The following RORA variants were observed in gnomAD, a reference collection of about 807,000 sequenced individuals.
The protein encoded by RORA is nuclear receptor ROR-alpha.
Under a neutral mutation model 69.5 loss-of-function variants are expected in RORA, and 7 were observed. The observed-to-expected ratio is 0.10, with a 90% CI of 0.06 to 0.19. The LOEUF is 0.19. RORA is among the 10% of genes least tolerant of loss of function. The pLI is 1.00. For missense variants in RORA, 457 were observed against 663.0 expected (o/e 0.69, Z 3.41); for synonymous variants, 261 against 240.8 (o/e 1.08, Z -0.78).
intron 2 of RORA, among the ~76,000 whole-genome samples, chr15:60,647,653 T>A (rs1387508506): frequency 3.3e-5 from 5 of 152,186 alleles, no homozygotes; most frequent in African/African-American, 1.2e-4. Context: ...ACAAAGGCTG[T>A]CTCTGCACTA....
At chr15:60,694,927 G>C (rs73426261) in intron 1 of RORA, among the ~76,000 whole-genome samples, 2,192 of 152,266 alleles carry the variant, frequency 0.014, 47 homozygotes, top group African/African-American at 0.051. Flanking sequence ...GACAACGTAT[G>C]AACAATTTGA....
chr15:60,738,024 G>C (rs2071525472), intron 1 of RORA, among the ~76,000 whole-genome samples: 1 of 152,194 alleles, frequency 6.6e-6, no homozygotes, highest in Non-Finnish European at 1.5e-5. Flanking sequence ...GCTTTTGGAA[G>C]TGAATGGGAA....
At chr15:61,140,000 T>G (rs773913934) in intron 1 of RORA, among the ~76,000 whole-genome samples, 1 of 152,204 alleles carries the variant, frequency 6.6e-6, no homozygotes, top group African/African-American at 2.4e-5. Flanking sequence ...CATTTGGCAC[T>G]TCCCAGACTT....
intron 1 of RORA, among the ~76,000 whole-genome samples, chr15:60,721,666 T>C (rs949021017): frequency 3.3e-5 from 5 of 152,224 alleles, no homozygotes; most frequent in Admixed American, 1.3e-4. Context: ...GGAAAACTTA[T>C]TTACACCTTC....
rs553796373 is a variant in RORA, at chr15:60,621,227, A to G, written c.196+57430T>C. 2.1e-3 allele frequency among the ~76,000 whole-genome samples: 318 copies of G among 151,878 alleles called. 3 individuals are homozygous for G. Among genetic ancestry groups the G allele is most frequent in the Non-Finnish European group, 4.7e-4 (32 of 67,994 alleles). On this transcript the variant is annotated intron_variant, in intron 2 of 10. Transcript: ENST00000335670. ...ATATATATATATATTTTTTAAGAAA[A>G]TACCTCTTTATCAAGTTCAGCCCAC...
chr15:61,092,009 T>C (rs1304094567), intron 1 of RORA, among the ~76,000 whole-genome samples: 3 of 152,200 alleles, frequency 2.0e-5, no homozygotes, highest in Non-Finnish European at 2.9e-5. Flanking sequence ...AGTCAAACAA[T>C]TGAACAAACC....
At chr15:60,525,088 C>G (rs1432446630) in intron 3 of RORA, among the ~76,000 whole-genome samples, 2 of 151,750 alleles carry the variant, frequency 1.3e-5, no homozygotes, top group African/African-American at 4.9e-5. Context: ...GAACAAACAA[C>G]AAAACAAACA....
chr15:60,846,631 T>G (rs181142943), intron 1 of RORA, among the ~76,000 whole-genome samples: 4 of 152,222 alleles, frequency 2.6e-5, no homozygotes, highest in Non-Finnish European at 4.4e-5. Context: ...CTTTTGTCAC[T>G]ACATATCAAA....
intron 1 of RORA, among the ~76,000 whole-genome samples, chr15:61,040,774 G>C (rs1411871208): frequency 6.6e-6 from 1 of 152,152 alleles, no homozygotes; most frequent in African/African-American, 2.4e-5. Context: ...CATCCATCTG[G>C]AGGCTGAATG....
At chr15:60,852,011 C>G (rs535330241) in intron 1 of RORA, among the ~76,000 whole-genome samples, 1 of 152,078 alleles carries the variant, frequency 6.6e-6, no homozygotes. Context: ...ATTTACTGAG[C>G]GAGCTGGGGA....
In RORA at chr15:60,710,208, G is replaced by T. The variant is rs146707205; in HGVS notation, c.167-31522C>A. On this transcript the variant is annotated intron_variant, in intron 1 of 10. Coordinates refer to ENST00000335670, the MANE Select transcript of RORA (RefSeq NM_134261.3). Reference sequence around the variant, plus strand: ...TTCTCCTTATGTTAAAAATTAGTTGGCCAGGTGCAGTGGCTCACGCTTGTA... The same window carrying T: ...TTCTCCTTATGTTAAAAATTAGTTGTCCAGGTGCAGTGGCTCACGCTTGTA... Among the ~76,000 whole-genome samples the T allele has an allele frequency of 4.0e-3, 613 of 152,294 alleles. 4 individuals carry two copies. The highest frequency in any genetic ancestry group is 0.014 in the African/African-American group (589 of 41,558).
At chr15:61,216,393 T>G (rs1399908638) in intron 1 of RORA, among the ~76,000 whole-genome samples, 1 of 152,190 alleles carries the variant, frequency 6.6e-6, no homozygotes, top group Admixed American at 6.5e-5. Context: ...TGTAAATTAT[T>G]AGATTACATT....
chr15:60,499,029 T>C (rs921629571), intron 10 of RORA, among the ~76,000 whole-genome samples: 3 of 152,152 alleles, frequency 2.0e-5, no homozygotes, highest in Non-Finnish European at 2.9e-5. Context: ...ATTTAAAAAA[T>C]TGACATTATA....
intron 1 of RORA, among the ~76,000 whole-genome samples, chr15:61,015,119 A>G (rs1439702113): frequency 6.6e-6 from 1 of 152,232 alleles, no homozygotes; most frequent in Non-Finnish European, 1.5e-5. Flanking sequence ...TAGTGTGCCT[A>G]TCAATAAATA....
At chr15:60,594,076 CT>C (rs952644857) in intron 2 of RORA, among the ~76,000 whole-genome samples, 5 of 152,034 alleles carry the variant, frequency 3.3e-5, no homozygotes, top group African/African-American at 7.3e-5. Flanking sequence ...TCTAATACAG[CT>C]TTTTTTCTTA....
intron 2 of RORA, among the ~76,000 whole-genome samples, chr15:60,539,626 C>T (rs540212252): frequency 6.6e-6 from 1 of 152,286 alleles, no homozygotes; most frequent in Non-Finnish European, 1.5e-5. Flanking sequence ...AGAGAATAAG[C>T]TTCCTAATAC....
intron 1 of RORA, among the ~76,000 whole-genome samples, chr15:60,770,265 A>G (rs1352372175): frequency 2.0e-5 from 3 of 152,174 alleles, no homozygotes; most frequent in East Asian, 1.9e-4. Context: ...TAGAAGTCCA[A>G]TGTAATTTTC....
At position 61,136,064 on chromosome 15, in the gene RORA, T is replaced by C. The variant is rs187997341; in HGVS notation, c.166+92989A>G. On this transcript the variant is annotated intron_variant, in intron 1 of 10. Transcript: ENST00000335670. ...TTTGTTTATCACTTGTCTTCCTTTT[T>C]AGGTATCGACCCTGGTTTAAATTTA... 1.1e-4 allele frequency among the ~76,000 whole-genome samples: 17 copies of C among 152,348 alleles called. No homozygotes were observed. The East Asian group carries it at 2.3e-3, about 21-fold the overall frequency.
chr15:61,014,340 A>T (rs1038502277), intron 1 of RORA, among the ~76,000 whole-genome samples: 2 of 152,258 alleles, frequency 1.3e-5, no homozygotes, highest in Non-Finnish European at 2.9e-5. Context: ...TCCTTAGACA[A>T]GGCTGCGGAT....
Sources: gnomAD v4.1 joint callset for allele counts (sites outside exome capture counted in the v4.1 genomes callset) on GRCh38, gnomAD v4.1.1 for gene constraint, MANE v1.5 for transcripts, NCBI Gene and HGNC (gene_info 2026-07-23, HGNC 2026-07-21) for gene names.